Variants in INSC observed in about 807,000 individuals in gnomAD.
INSC encodes INSC spindle orientation adaptor protein, also known as protein inscuteable homolog.
A neutral mutation model predicts 58.6 loss-of-function variants in INSC; 67 were observed. The observed-to-expected ratio is 1.14, with a 90% CI of 0.94 to 1.40. The LOEUF is 1.40. Among genes scored for constraint, INSC ranks in the 40% most tolerant of loss-of-function variants. The probability of loss-of-function intolerance (pLI) is 0.00; values close to 1 mark genes in which losing one functional copy is unlikely to be tolerated. For synonymous variants in INSC, 262 were observed against 276.1 expected, an observed-to-expected ratio of 0.95 and a Z score of 0.51; for missense variants, 714 against 692.0, an observed-to-expected ratio of 1.03 and a Z score of -0.36.
intron 7 of INSC, among the ~76,000 whole-genome samples, chr11:15,211,909 C>T (rs61877993): frequency 3.3e-5 from 5 of 151,386 alleles, no homozygotes; most frequent in African/African-American, 4.9e-5. Flanking sequence ...CAATAGAGCA[C>T]GGGGCCCCTA....
rs146648763 is a variant in INSC, at chr11:15,194,801, T to A, written c.693+3987T>A. ...CAGCCTCTTTAAGTTTAATTCAGAG[T>A]TCATGGTCCTAAACCCCACAGTGGT... On this transcript the variant is annotated intron_variant, in intron 6 of 12. Coordinates refer to ENST00000379556, the MANE Select transcript of INSC (RefSeq NM_001042536.3). 7.6e-3 allele frequency among the ~76,000 whole-genome samples: 1,160 copies of A among 152,252 alleles called. 5 individuals are homozygous for A. The highest frequency in any genetic ancestry group is 0.012 in the Non-Finnish European group (844 of 68,010).
At chr11:15,128,706 G>A (rs754097935) in intron 1 of INSC, among the ~76,000 whole-genome samples, 10 of 152,206 alleles carry the variant, frequency 6.6e-5, no homozygotes, top group African/African-American at 1.4e-4. Flanking sequence ...TACCATGTAA[G>A]GTTGAAATGT....
At chr11:15,167,643 T>A (rs1025628944) in intron 2 of INSC, among the ~76,000 whole-genome samples, 2 of 151,636 alleles carry the variant, frequency 1.3e-5, no homozygotes, top group African/African-American at 2.4e-5. Context: ...CTAATTATTA[T>A]TAATAATAAT....
At chr11:15,263,863 G>A in the INSC span, among the ~76,000 whole-genome samples, 1 of 152,068 alleles carries the variant, frequency 6.6e-6, no homozygotes, top group Non-Finnish European at 1.5e-5. Context: ...GGCTGTCAGT[G>A]GGGGATAGCC....
chr11:15,191,590 A>C (rs1474240413), intron 6 of INSC, among the ~76,000 whole-genome samples: 1 of 152,190 alleles, frequency 6.6e-6, no homozygotes, highest in African/African-American at 2.4e-5. Context: ...GTTGAAAGAA[A>C]AGTTTTTATT....
At chr11:15,123,357 G>A (rs916903123) in intron 1 of INSC, among the ~76,000 whole-genome samples, 9 of 152,036 alleles carry the variant, frequency 5.9e-5, no homozygotes, top group East Asian at 1.9e-4. Context: ...GGTTTTGCTC[G>A]TTACTTTATC....
At chr11:15,212,136 C>CT (rs1470859585) in intron 7 of INSC, among the ~76,000 whole-genome samples, 1 of 152,052 alleles carries the variant, frequency 6.6e-6, no homozygotes, top group African/African-American at 2.4e-5. Context: ...GAGTCTCACT[C>CT]TGTCGCCCAG....
At chr11:15,132,440 T>G (rs1360204293) in intron 1 of INSC, among the ~76,000 whole-genome samples, 2 of 152,064 alleles carry the variant, frequency 1.3e-5, no homozygotes, top group Non-Finnish European at 2.9e-5. Flanking sequence ...TAGGAGTCAC[T>G]GCACTCAGCT....
chr11:15,225,538 G>T lies in INSC; in HGVS notation c.992-112G>T, dbSNP rs1851599674. 22 of 1,067,100 alleles carry T rather than the reference G, an allele frequency of 2.1e-5. No homozygotes were observed. The South Asian group carries it at 3.3e-4, about 16-fold the overall frequency. The allele number at this position is 1,067,100 out of a possible 1,614,324, so 66.1% of individuals were successfully genotyped here. A position where few individuals can be genotyped will look rare whatever the true frequency, so the allele number is the denominator to read the frequency against. The stretch of plus-strand genomic sequence containing the variant: ...GCCACTTTCCTCATCTGTAAAATGG[G>T]TATTATAACACCTGCTCAAACGATC... On this transcript the variant is annotated intron_variant, in intron 8 of 12. Transcript: ENST00000379556.
At chr11:15,171,849 G>C (rs1204141155) in intron 2 of INSC, among the ~76,000 whole-genome samples, 1 of 152,218 alleles carries the variant, frequency 6.6e-6, no homozygotes, top group Non-Finnish European at 1.5e-5. Context: ...CTGTCTGTAT[G>C]AACCTTGGTT....
chr11:15,119,864 T>A (rs1435150875), intron 1 of INSC, among the ~76,000 whole-genome samples: 1 of 152,276 alleles, frequency 6.6e-6, no homozygotes, highest in Admixed American at 6.5e-5. Flanking sequence ...AAAATGGGGT[T>A]CCTCATAAGG....
At chr11:15,235,311 G>A (rs759144849) in intron 9 of INSC, 21 of 428,992 alleles carry the variant, frequency 4.9e-5, no homozygotes, top group South Asian at 3.5e-4. Context: ...AAAGACAACC[G>A]GGCCCCAACT....
intron 1 of INSC, among the ~76,000 whole-genome samples, chr11:15,146,502 T>C (rs1484462738): frequency 6.6e-6 from 1 of 152,210 alleles, no homozygotes; most frequent in Non-Finnish European, 1.5e-5. Context: ...AGCAAGGTTT[T>C]GTGAGCTGGC....
At chr11:15,256,887 A>C in the INSC span, among the ~76,000 whole-genome samples, 1 of 152,108 alleles carries the variant, frequency 6.6e-6, no homozygotes, top group Non-Finnish European at 1.5e-5. Context: ...CGGGGTGGAC[A>C]CTCACACACT....
the INSC span, among the ~76,000 whole-genome samples, chr11:15,258,325 A>G: frequency 2.6e-5 from 4 of 152,192 alleles, no homozygotes; most frequent in African/African-American, 9.6e-5. Context: ...GAAGATGCTG[A>G]GAATCTATCA....
rs76581055 is a variant in INSC, at chr11:15,153,116, A to C, written c.56+3886A>C. 4.3e-3 allele frequency among the ~76,000 whole-genome samples: 648 copies of C among 152,336 alleles called. 9 individuals carry two copies. Among genetic ancestry groups the C allele is most frequent in the African/African-American group, 0.015 (614 of 41,578 alleles). The stretch of plus-strand genomic sequence containing the variant: ...TGTATGGTGCCGTGTACTTGAGGAC[A>C]TGTTGGTGACCTAGTTGGTGACCTA... On this transcript the variant is annotated intron_variant, in intron 2 of 12. Coordinates refer to ENST00000379556, the MANE Select transcript of INSC (RefSeq NM_001042536.3).
chr11:15,233,260 C>G (rs192926979), intron 9 of INSC, among the ~76,000 whole-genome samples: 1 of 152,284 alleles, frequency 6.6e-6, no homozygotes, highest in African/African-American at 2.4e-5. Context: ...TGAACATCAT[C>G]AAACAAGACT....
chr11:15,225,135 T>C (rs777599504), intron 8 of INSC, among the ~76,000 whole-genome samples: 4 of 152,240 alleles, frequency 2.6e-5, no homozygotes, highest in Non-Finnish European at 5.9e-5. Flanking sequence ...AGTATTTTTA[T>C]GACTGGCCCC....
At chr11:15,239,515 A>G (rs72857783) in intron 11 of INSC, among the ~76,000 whole-genome samples, 12,220 of 152,228 alleles carry the variant, frequency 0.08, 536 homozygotes, top group African/African-American at 0.1. Context: ...ACCCATTAAC[A>G]TGCTCATTCA....
Sources: allele counts gnomAD v4.1 joint callset (sites outside exome capture counted in the v4.1 genomes callset), GRCh38; gene constraint gnomAD v4.1.1; transcripts MANE v1.5; gene names NCBI Gene and HGNC (gene_info 2026-07-23, HGNC 2026-07-21).